The following ARHGEF33 variants were observed in gnomAD, a reference collection of about 807,000 sequenced individuals.
The protein encoded by ARHGEF33 is DH and coiled-coil domain-containing protein ENSP00000381780.
In ARHGEF33, 72 loss-of-function variants were observed where a neutral mutation model predicts 101.9. That is an observed-to-expected ratio of 0.71 (90% CI 0.58 to 0.86). The LOEUF (loss-of-function observed/expected upper bound fraction) is 0.86. Among genes scored for constraint, ARHGEF33 ranks in the 40% least tolerant of loss-of-function variants. ARHGEF33 has a pLI of 0.00. For missense variants in ARHGEF33, 1,169 were observed against 1,111.3 expected (o/e 1.05, Z -0.74); for synonymous variants, 499 against 442.5 (o/e 1.13, Z -1.60).
chr2:38,923,910 A>C (rs2124994313), intron 4 of ARHGEF33, among the ~76,000 whole-genome samples: 1 of 152,360 alleles, frequency 6.6e-6, no homozygotes, highest in East Asian at 1.9e-4. Context: ...ATGTCTTTCT[A>C]AGTTAAAAAG....
At chr2:38,906,286 G>A (rs1666388909) in intron 2 of ARHGEF33, among the ~76,000 whole-genome samples, 1 of 152,072 alleles carries the variant, frequency 6.6e-6, no homozygotes, top group African/African-American at 2.4e-5. Context: ...TGGAGGTAGG[G>A]GGATGGAACA....
intron 2 of ARHGEF33, among the ~76,000 whole-genome samples, chr2:38,896,649 T>C (rs1451278): frequency 0.92 from 140,436 of 152,244 alleles, 65,893 homozygotes; most frequent in East Asian, 1. Context: ...GGTCACAAAA[T>C]GAAATAAGTA....
chr2:38,911,806 G>A (rs56677336), intron 2 of ARHGEF33, among the ~76,000 whole-genome samples: 347 of 152,234 alleles, frequency 2.3e-3, no homozygotes, highest in African/African-American at 8.0e-3. Flanking sequence ...AGCCCAGGAG[G>A]TTGAGGCAGT....
intron 4 of ARHGEF33, among the ~76,000 whole-genome samples, chr2:38,922,738 G>T (rs1666787029): frequency 6.6e-6 from 1 of 152,182 alleles, no homozygotes; most frequent in South Asian, 2.1e-4. Flanking sequence ...TACAAGGTAG[G>T]CTGTTGAAAG....
Position 38,935,845 on chromosome 2 carries a change from C to T in ARHGEF33, c.565+11C>T, listed in dbSNP as rs371167556. ...GAATGATGGGTCCTGGTAAGTGACT[C>T]TTCTCTTAGTTTTCTTTTCTTCCAG... is the stretch of plus-strand genomic sequence containing the variant. On this transcript the variant is annotated intron_variant, in intron 8 of 17. Transcript: ENST00000409978. The T allele has an allele frequency of 1.3e-6, 2 of 1,544,672 alleles. No individual in the cohort carries two copies. Among genetic ancestry groups the T allele is most frequent in the South Asian group, 2.4e-5 (2 of 83,822 alleles).
rs534669681 is a variant in ARHGEF33 at position 38,956,351 on chromosome 2, G to A, written c.1222-548G>A. 2.2e-4 allele frequency among the ~76,000 whole-genome samples: 33 copies of A among 152,200 alleles called. No individual in the cohort carries two copies. In the South Asian group the frequency reaches 3.1e-3, roughly 14 times the overall value. ...AATGGTACCTATTTAAGCACGTTGC[G>A]GTAACAATTAAATGAGATAATATAC... On this transcript the variant is annotated intron_variant, in intron 13 of 17. Transcript: ENST00000409978.
At chr2:38,912,881 C>T (rs1025150540) in intron 2 of ARHGEF33, among the ~76,000 whole-genome samples, 1 of 151,894 alleles carries the variant, frequency 6.6e-6, no homozygotes, top group East Asian at 1.9e-4. Flanking sequence ...GATACACCCT[C>T]AACAGAATCA....
intron 17 of ARHGEF33, among the ~76,000 whole-genome samples, chr2:38,972,696 A>G (rs996103194): frequency 6.6e-6 from 1 of 152,208 alleles, no homozygotes; most frequent in Non-Finnish European, 1.5e-5. Context: ...TAACTTATCT[A>G]ATAACAAGAG....
chr2:38,967,283 G>T (rs1668069588), intron 17 of ARHGEF33, among the ~76,000 whole-genome samples: 1 of 152,194 alleles, frequency 6.6e-6, no homozygotes, highest in Non-Finnish European at 1.5e-5. Context: ...CTGACTGTTG[G>T]TCTCTCCCTG....
At chr2:38,921,700 A>G (rs555568706) in intron 4 of ARHGEF33, among the ~76,000 whole-genome samples, 2 of 152,222 alleles carry the variant, frequency 1.3e-5, no homozygotes, top group Admixed American at 6.5e-5. Flanking sequence ...AGCTGAGGCT[A>G]TAGGTGAGCA....
At chr2:38,894,345 T>A (rs1015882942) in intron 1 of ARHGEF33, among the ~76,000 whole-genome samples, 5 of 143,490 alleles carry the variant, frequency 3.5e-5, no homozygotes, top group African/African-American at 1.3e-4. Flanking sequence ...AAAAAAAAAA[T>A]GTTGCTTTTG....
At chr2:38,914,410 G>A (rs910279941) in intron 2 of ARHGEF33, among the ~76,000 whole-genome samples, 1 of 152,164 alleles carries the variant, frequency 6.6e-6, no homozygotes, top group Non-Finnish European at 1.5e-5. Context: ...GCTCACGCCT[G>A]TAATCCCAGT....
chr2:38,954,563 C>G (rs1308737573), intron 13 of ARHGEF33, 107 bp downstream of exon 13: 6 of 698,546 alleles, frequency 8.6e-6, no homozygotes, highest in Non-Finnish European at 1.5e-5. Flanking sequence ...ATTAATATTT[C>G]TAAGAAGTGT....
chr2:38,895,753 C>T (rs1014765878), intron 1 of ARHGEF33, 24 bp from the exon 2 acceptor site: 16 of 148,114 alleles, frequency 1.1e-4, no homozygotes, highest in African/African-American at 3.8e-4. Flanking sequence ...TTATCAATGG[C>T]GTTTTTTTTT....
intron 2 of ARHGEF33, among the ~76,000 whole-genome samples, chr2:38,917,547 C>T (rs753105243): frequency 4.6e-5 from 7 of 152,042 alleles, no homozygotes; most frequent in Admixed American, 4.6e-4. Flanking sequence ...GTTTCCTGTG[C>T]GGCCAGGCAT....
At chr2:38,930,901 T>C (rs1666984066) in intron 6 of ARHGEF33, among the ~76,000 whole-genome samples, 1 of 152,184 alleles carries the variant, frequency 6.6e-6, no homozygotes, top group African/African-American at 2.4e-5. Flanking sequence ...TTGTAAATAT[T>C]TGAAGTTTTT....
rs1203166999 is a variant in ARHGEF33 at position 38,960,790 on chromosome 2, AGGC to A, written c.2343+145_2343+147del. On this transcript the variant is annotated intron_variant, in intron 16 of 17. Transcript: ENST00000409978. ...GGCTGCGCGAGCCGTCGGCGGGTGG[AGGC>A]GGAGGGAGAGCAGGGGCAGCCCCCG... 49 of 653,820 alleles carry A rather than the reference AGGC, an allele frequency of 7.5e-5. No individual in the cohort carries two copies. In the Admixed American group the frequency reaches 1.4e-3, roughly 19 times the overall value. 40.5% of individuals were successfully genotyped at this position (653,820 alleles called of 1,614,324 possible).
intron 2 of ARHGEF33, among the ~76,000 whole-genome samples, chr2:38,914,664 C>CAAAAAAAAAAAAAAAAAAA: frequency 1.0e-5 from 1 of 95,956 alleles, no homozygotes; most frequent in Non-Finnish European, 2.1e-5. Flanking sequence ...GACTCCATCT[C>CAAAAAAAAAAAAAAAAAAA]AAAAAAAAAA....
chr2:38,934,205 CTTCTT>C (rs1667073068), intron 7 of ARHGEF33, among the ~76,000 whole-genome samples: 1 of 152,188 alleles, frequency 6.6e-6, no homozygotes. Flanking sequence ...GAAACATTCT[CTTCTT>C]TTGGCTGACA....
Sources: gnomAD v4.1 joint callset for allele counts (sites outside exome capture counted in the v4.1 genomes callset) on GRCh38, gnomAD v4.1.1 for gene constraint, MANE v1.5 for transcripts, NCBI Gene and HGNC (gene_info 2026-07-23, HGNC 2026-07-21) for gene names.